EML6: variants seen among roughly 807,000 people sequenced by gnomAD.
The protein encoded by EML6 is echinoderm microtubule-associated protein-like 6.
A neutral mutation model predicts 240.1 loss-of-function variants in EML6; 154 were observed. The ratio of observed to expected loss-of-function variants is 0.64; its 90% CI spans 0.56 to 0.73. The LOEUF (loss-of-function observed/expected upper bound fraction) is 0.73, where lower values mean the gene tolerates loss of function less well. EML6 is among the 30% of genes least tolerant of loss of function. The pLI, the probability that EML6 is intolerant of heterozygous loss-of-function variation, is 0.00. For missense variants in EML6, 2,964 were observed against 2,474.6 expected, an observed-to-expected ratio of 1.20 and a Z score of -4.20; for synonymous variants, 1,148 against 899.0, an observed-to-expected ratio of 1.28 and a Z score of -4.95.
intron 7 of EML6, among the ~76,000 whole-genome samples, chr2:54,835,865 G>A (rs1669112840): frequency 3.3e-5 from 5 of 152,190 alleles, no homozygotes; most frequent in African/African-American, 1.2e-4. Flanking sequence ...AGCCCCAAAT[G>A]TTGATAGTGT....
intron 12 of EML6, among the ~76,000 whole-genome samples, chr2:54,861,492 CTG>C (rs1212584937): frequency 2.0e-5 from 3 of 152,194 alleles, no homozygotes; most frequent in South Asian, 4.1e-4. Context: ...CGGTAAATGA[CTG>C]TGCTCAGCTT....
At chr2:54,758,563 T>A (rs1170508264) in intron 2 of EML6, among the ~76,000 whole-genome samples, 1 of 152,184 alleles carries the variant, frequency 6.6e-6, no homozygotes, top group African/African-American at 2.4e-5. Context: ...CCCTGTATTG[T>A]CCCCTAGTAT....
At chr2:54,864,791 A>G (rs1864738) in intron 13 of EML6, among the ~76,000 whole-genome samples, 42,616 of 152,118 alleles carry the variant, frequency 0.28, 6,780 homozygotes, top group Middle Eastern at 0.35. Context: ...TGCACATTCT[A>G]TGCACTACTT....
In EML6 at chr2:54,789,378, A is replaced by G. The variant is rs533042712; in HGVS notation, c.198-23854A>G. 3.7e-3 allele frequency among the ~76,000 whole-genome samples: 562 copies of G among 150,206 alleles called. 2 individuals carry two copies. Among genetic ancestry groups the G allele is most frequent in the Middle Eastern group, 0.014 (4 of 292 alleles). On this transcript the variant is annotated intron_variant, in intron 2 of 41. Coordinates refer to ENST00000356458, the MANE Select transcript of EML6 (RefSeq NM_001039753.4). ...AATACAAAAAAATTAGCCGGGCGTG[A>G]TGGCGGGCGCCTGTAGTCCCAGCTA...
chr2:54,828,189 G>A (rs755768344), intron 6 of EML6, among the ~76,000 whole-genome samples: 2 of 151,728 alleles, frequency 1.3e-5, no homozygotes, highest in African/African-American at 4.8e-5. Flanking sequence ...TGTATTGGTT[G>A]GTAAGATAGA....
At chr2:54,822,663 A>C (rs1016750267) in intron 5 of EML6, among the ~76,000 whole-genome samples, 4 of 152,100 alleles carry the variant, frequency 2.6e-5, no homozygotes, top group African/African-American at 9.7e-5. Flanking sequence ...TTATGGTGGG[A>C]TTAGATTTGT....
intron 2 of EML6, among the ~76,000 whole-genome samples, chr2:54,793,816 G>C (rs918726221): frequency 4.6e-5 from 7 of 152,142 alleles, no homozygotes; most frequent in African/African-American, 1.7e-4. Context: ...CCTGGTGCCT[G>C]GAATGCAGCT....
At chr2:54,922,826 A>G (rs1674330453) in intron 26 of EML6, among the ~76,000 whole-genome samples, 1 of 152,126 alleles carries the variant, frequency 6.6e-6, no homozygotes, top group African/African-American at 2.4e-5. Context: ...TCTCACATAT[A>G]CGTGGAAGCT....
chr2:54,788,163 A>C (rs887141144), intron 2 of EML6, among the ~76,000 whole-genome samples: 2 of 152,234 alleles, frequency 1.3e-5, no homozygotes, highest in African/African-American at 2.4e-5. Flanking sequence ...TTAGGTCGCC[A>C]GGTTCTCGCT....
At chr2:54,764,744 G>A (rs1668114718) in intron 2 of EML6, among the ~76,000 whole-genome samples, 2 of 152,184 alleles carry the variant, frequency 1.3e-5, no homozygotes, top group Non-Finnish European at 2.9e-5. Context: ...AGAATCAAAC[G>A]CAGTTTGGGG....
intron 28 of EML6, among the ~76,000 whole-genome samples, chr2:54,938,649 C>G (rs1374069550): frequency 2.0e-5 from 3 of 152,244 alleles, no homozygotes; most frequent in Non-Finnish European, 2.9e-5. Flanking sequence ...ACTATGGGAA[C>G]TAACTGACTT....
At position 54,866,751 on chromosome 2, in the gene EML6, C is replaced by A. The variant is rs1015268711; in HGVS notation, c.1933-15C>A. Reference sequence around the variant, plus strand: ...TGAAAGGCATCTCACCCAGATGTTTCTGTTGTACTTTAAGGTTTACAAAGA... The same window carrying A: ...TGAAAGGCATCTCACCCAGATGTTTATGTTGTACTTTAAGGTTTACAAAGA... On this transcript the variant is annotated splice_polypyrimidine_tract_variant and intron_variant, in intron 13 of 41. Coordinates refer to ENST00000356458, the MANE Select transcript of EML6 (RefSeq NM_001039753.4). 4.7e-6 allele frequency: 7 copies of A among 1,490,872 alleles called. No individual in the cohort carries two copies. In the South Asian group the frequency reaches 7.3e-5, roughly 16 times the overall value. The allele number at this position is 1,490,872 out of a possible 1,614,324, so 92.4% of individuals were successfully genotyped here.
At chr2:54,909,620 CA>C (rs1299168849) in intron 24 of EML6, among the ~76,000 whole-genome samples, 1 of 151,978 alleles carries the variant, frequency 6.6e-6, no homozygotes, top group East Asian at 1.9e-4. Flanking sequence ...CCGAGGTGGG[CA>C]GATCACCTGA....
intron 2 of EML6, among the ~76,000 whole-genome samples, chr2:54,803,484 A>G (rs1188518740): frequency 6.6e-6 from 1 of 152,120 alleles, no homozygotes; most frequent in Non-Finnish European, 1.5e-5. Flanking sequence ...TAGCAGCTCC[A>G]AGCCCCTTTT....
intron 26 of EML6, among the ~76,000 whole-genome samples, chr2:54,919,876 C>A (rs905712170): frequency 1.3e-5 from 2 of 152,180 alleles, no homozygotes; most frequent in Non-Finnish European, 2.9e-5. Context: ...TGCAAAAGCT[C>A]TGGAATCCCG....
At chr2:54,959,691 A>T (rs529128568) in intron 34 of EML6, among the ~76,000 whole-genome samples, 1 of 152,282 alleles carries the variant, frequency 6.6e-6, no homozygotes, top group Admixed American at 6.5e-5. Flanking sequence ...GAACCCAGGA[A>T]GCGGAGGTTG....
intron 28 of EML6, among the ~76,000 whole-genome samples, chr2:54,933,053 A>G (rs1206808332): frequency 1.3e-5 from 2 of 152,032 alleles, no homozygotes; most frequent in Non-Finnish European, 2.9e-5. Context: ...TTTTTCCTTC[A>G]TATCTCAGTT....
chr2:54,959,247 C>A lies in EML6; in HGVS notation c.4839C>A (p.Gly1613=). Reference sequence around the variant, plus strand: ...TTCGGGATGGACTCATAGTGACCGGCGGAAAAGAGAGGCCGTAAGCCAAAG... The same window carrying A: ...TTCGGGATGGACTCATAGTGACCGGAGGAAAAGAGAGGCCGTAAGCCAAAG... ...TTLRDGLIVT[G]GKERPTKEGG... Residue 1613 remains glycine (G), a synonymous_variant, in exon 34 of 42, where the codon GGC becomes GGA. Coordinates refer to ENST00000356458, the MANE Select transcript of EML6 (RefSeq NM_001039753.4). 6.5e-7 allele frequency: 1 copy of A among 1,534,920 alleles called. No individual in the cohort carries two copies. The highest frequency in any genetic ancestry group is 8.8e-7 in the Non-Finnish European group (1 of 1,138,678).
At chr2:54,962,767 G>T in intron 36 of EML6, 56 bp downstream of exon 36, 2 of 1,378,950 alleles carry the variant, frequency 1.5e-6, no homozygotes, top group South Asian at 1.7e-5. Flanking sequence ...GCGGCAGTGG[G>T]AGCTGAGCGA....
Sources: gnomAD v4.1 joint callset for allele counts (sites outside exome capture counted in the v4.1 genomes callset) on GRCh38, gnomAD v4.1.1 for gene constraint, MANE v1.5 for transcripts, NCBI Gene and HGNC (gene_info 2026-07-23, HGNC 2026-07-21) for gene names.